ITGB6: variants seen among roughly 807,000 people sequenced by gnomAD.
ITGB6 encodes integrin subunit beta 6, also known as integrin beta-6.
In ITGB6, 80 loss-of-function variants were observed where a neutral mutation model predicts 84.5. That is an observed-to-expected ratio of 0.95 (90% CI 0.79 to 1.14). The LOEUF is 1.14. ITGB6 is among the 50% of genes most tolerant of loss of function. ITGB6 has a pLI of 0.00. For missense variants in ITGB6, 1,006 were observed against 968.0 expected (o/e 1.04, Z -0.52); for synonymous variants, 383 against 354.9 (o/e 1.08, Z -0.89).
chr2:160,149,278 T>G (rs1467026227), intron 7 of ITGB6, among the ~76,000 whole-genome samples: 1 of 152,172 alleles, frequency 6.6e-6, no homozygotes, highest in Non-Finnish European at 1.5e-5. Context: ...ATATTTGCTG[T>G]TCTGCAGCCT....
At chr2:160,153,708 C>A (rs1353395357) in intron 7 of ITGB6, among the ~76,000 whole-genome samples, 2 of 152,066 alleles carry the variant, frequency 1.3e-5, no homozygotes, top group African/African-American at 4.8e-5. Flanking sequence ...GGGCTAATAT[C>A]CAGAATCTAC....
chr2:160,154,677 G>A (rs1684555930), intron 7 of ITGB6, among the ~76,000 whole-genome samples: 1 of 151,958 alleles, frequency 6.6e-6, no homozygotes, highest in Admixed American at 6.6e-5. Context: ...AAGCAACCAA[G>A]ATGTCCTTTA....
chr2:160,117,354 A>C (rs947260850), intron 12 of ITGB6, among the ~76,000 whole-genome samples: 10 of 151,696 alleles, frequency 6.6e-5, no homozygotes, highest in African/African-American at 1.9e-4. Flanking sequence ...CTCAGGATTA[A>C]GAAACTCACT....
intron 7 of ITGB6, among the ~76,000 whole-genome samples, chr2:160,150,123 C>T (rs1037736700): frequency 1.3e-5 from 2 of 152,124 alleles, no homozygotes; most frequent in Non-Finnish European, 2.9e-5. Flanking sequence ...AAAGATACTC[C>T]TCGAGAAGGG....
At chr2:160,129,222 C>T (rs1051758202) in intron 10 of ITGB6, among the ~76,000 whole-genome samples, 2 of 151,914 alleles carry the variant, frequency 1.3e-5, no homozygotes, top group Non-Finnish European at 2.9e-5. Context: ...CACTTAATGA[C>T]GTATGAAATA....
chr2:160,101,866 A>G, intron 14 of ITGB6, 32 bp from the exon 15 acceptor site: 1 of 1,294,088 alleles, frequency 7.7e-7, no homozygotes. Flanking sequence ...AAGTGAAAGT[A>G]TGTATATTTT....
At chr2:160,185,634 T>C (rs968436886) in intron 4 of ITGB6, among the ~76,000 whole-genome samples, 15 of 152,326 alleles carry the variant, frequency 9.8e-5, no homozygotes, top group African/African-American at 3.6e-4. Flanking sequence ...TTAAATTTCA[T>C]ATGGAATCAA....
intron 7 of ITGB6, among the ~76,000 whole-genome samples, chr2:160,159,669 T>C (rs968626607): frequency 1.1e-4 from 17 of 152,130 alleles, no homozygotes; most frequent in Non-Finnish European, 2.4e-4. Context: ...AACTGAGTCC[T>C]TTGCTGCCTC....
At chr2:160,159,632 T>C (rs1021517566) in intron 7 of ITGB6, among the ~76,000 whole-genome samples, 4 of 152,130 alleles carry the variant, frequency 2.6e-5, no homozygotes, top group Non-Finnish European at 4.4e-5. Context: ...CCAACTGGCC[T>C]TTTTTCCTTT....
chr2:160,118,627 C>A (rs1414567631), intron 12 of ITGB6, among the ~76,000 whole-genome samples: 1 of 152,062 alleles, frequency 6.6e-6, no homozygotes, highest in Non-Finnish European at 1.5e-5. Context: ...CCCTGTCTCA[C>A]CACTCCTGTT....
chr2:160,191,107 T>C (rs944785345), intron 4 of ITGB6, among the ~76,000 whole-genome samples: 6 of 152,214 alleles, frequency 3.9e-5, no homozygotes, highest in African/African-American at 1.4e-4. Flanking sequence ...ACTTTTATGT[T>C]AGATAGTTAA....
chr2:160,127,391 T>C (rs180910096), intron 10 of ITGB6, among the ~76,000 whole-genome samples: 2 of 152,322 alleles, frequency 1.3e-5, no homozygotes, highest in Admixed American at 1.3e-4. Context: ...GGTACTCCCT[T>C]CTATTGATTC....
At chr2:160,152,231 T>TAAAC (rs1336046560) in intron 7 of ITGB6, among the ~76,000 whole-genome samples, 5 of 152,050 alleles carry the variant, frequency 3.3e-5, no homozygotes, top group Admixed American at 3.3e-4. Flanking sequence ...CAGCAGCACA[T>TAAAC]CAAAAAAGCT....
rs951465537 is a variant in ITGB6, at chr2:160,200,208, G to A, written c.-145C>T. 1.6e-6 allele frequency: 1 copy of A among 621,060 alleles called. No homozygotes were observed. Among genetic ancestry groups the A allele is most frequent in the Admixed American group, 3.3e-5 (1 of 30,010 alleles). The allele number at this position is 621,060 out of a possible 1,614,324, so 38.5% of individuals were successfully genotyped here. On this transcript the variant is annotated 5_prime_UTR_variant, in exon 1 of 15. Coordinates refer to ENST00000283249, the MANE Select transcript of ITGB6 (RefSeq NM_000888.5). ...TACACTGCTTTGAAAAGAAACTTGA[G>A]ATATAAGTTAGAAAGTTTTCATTAA...
intron 6 of ITGB6, among the ~76,000 whole-genome samples, chr2:160,171,220 T>A (rs2061288): frequency 0.19 from 29,364 of 151,806 alleles, 3,761 homozygotes; most frequent in Middle Eastern, 0.37. Context: ...CACCTACACC[T>A]CCACAGCATT....
At chr2:160,180,502 A>T (rs1685622271) in intron 4 of ITGB6, among the ~76,000 whole-genome samples, 1 of 152,132 alleles carries the variant, frequency 6.6e-6, no homozygotes, top group East Asian at 1.9e-4. Context: ...TGGGTTTGTT[A>T]TATAGGTAAA....
At chr2:160,147,187 AG>A (rs1304178174) in intron 7 of ITGB6, among the ~76,000 whole-genome samples, 2 of 152,084 alleles carry the variant, frequency 1.3e-5, no homozygotes, top group Non-Finnish European at 2.9e-5. Context: ...GAAAGAAGAA[AG>A]AAAAGAAAGA....
At chr2:160,178,011 A>T (rs1404236326) in intron 4 of ITGB6, among the ~76,000 whole-genome samples, 1 of 152,150 alleles carries the variant, frequency 6.6e-6, no homozygotes, top group Non-Finnish European at 1.5e-5. Context: ...AGTAGCTGGG[A>T]TTACAGGCTC....
At chr2:160,102,966 T>C (rs1296682336) in intron 14 of ITGB6, among the ~76,000 whole-genome samples, 1 of 152,212 alleles carries the variant, frequency 6.6e-6, no homozygotes, top group Admixed American at 6.5e-5. Flanking sequence ...TATTTATAGC[T>C]TTTCTTCACA....
Sources: gnomAD v4.1 joint callset for allele counts (sites outside exome capture counted in the v4.1 genomes callset) on GRCh38, gnomAD v4.1.1 for gene constraint, MANE v1.5 for transcripts, NCBI Gene and HGNC (gene_info 2026-07-23, HGNC 2026-07-21) for gene names.